Variants in SORCS3 observed in about 807,000 individuals in gnomAD.
SORCS3 encodes sortilin related VPS10 domain containing receptor 3.
In SORCS3, 57 loss-of-function variants were observed where a neutral mutation model predicts 146.3. That is an observed-to-expected ratio of 0.39 (90% CI 0.31 to 0.49). The LOEUF (loss-of-function observed/expected upper bound fraction) is 0.49. Ranked by LOEUF, SORCS3 falls within the 20% of genes least tolerant of loss-of-function variation. The pLI is 0.92. For missense variants in SORCS3, 1,341 were observed against 1,575.5 expected (o/e 0.85, Z 2.52); for synonymous variants, 653 against 618.5 (o/e 1.06, Z -0.83).
At chr10:105,018,319 G>T (rs118008198) in intron 4 of SORCS3, among the ~76,000 whole-genome samples, 6,890 of 152,290 alleles carry the variant, frequency 0.045, 236 homozygotes, top group Admixed American at 0.098. Context: ...CAAAGTCTTG[G>T]GATTGGCTCT....
chr10:104,935,326 A>C (rs905554132), intron 3 of SORCS3, among the ~76,000 whole-genome samples: 1 of 152,194 alleles, frequency 6.6e-6, no homozygotes, highest in South Asian at 2.1e-4. Context: ...TGCTTTCAGC[A>C]GATTTGGAGT....
intron 2 of SORCS3, among the ~76,000 whole-genome samples, chr10:104,867,070 T>C (rs1249267331): frequency 2.6e-5 from 4 of 152,276 alleles, no homozygotes; most frequent in Non-Finnish European, 4.4e-5. Flanking sequence ...AGATAGACCA[T>C]GTCTCTGCTC....
chr10:104,756,988 TACAAG>T (rs2017060302), intron 1 of SORCS3, among the ~76,000 whole-genome samples: 1 of 151,986 alleles, frequency 6.6e-6, no homozygotes, highest in Non-Finnish European at 1.5e-5. Context: ...TGTGTCCATG[TACAAG>T]ATCAACAACC....
At chr10:104,761,512 C>T (rs2017122392) in intron 1 of SORCS3, among the ~76,000 whole-genome samples, 1 of 152,144 alleles carries the variant, frequency 6.6e-6, no homozygotes, top group African/African-American at 2.4e-5. Context: ...ATAGACAAGG[C>T]TCTTCCATCC....
chr10:105,175,833 C>T (rs944501898), intron 13 of SORCS3, among the ~76,000 whole-genome samples: 3 of 152,252 alleles, frequency 2.0e-5, no homozygotes, highest in Middle Eastern at 3.4e-3. Context: ...GCATTTCATT[C>T]GTGAACATGG....
At chr10:105,195,790 C>G (rs1314398215) in intron 14 of SORCS3, among the ~76,000 whole-genome samples, 1 of 152,314 alleles carries the variant, frequency 6.6e-6, no homozygotes, top group Middle Eastern at 3.4e-3. Flanking sequence ...TTTTACCCCA[C>G]TGATCTTATT....
At chr10:104,664,792 C>G (rs7070857) in intron 1 of SORCS3, 16,071 of 152,384 alleles carry the variant, frequency 0.11, 917 homozygotes, top group Admixed American at 0.14. Context: ...TCTTCAAAGA[C>G]CTCCCCCAAA....
chr10:104,898,667 C>A (rs1390911267), intron 2 of SORCS3, among the ~76,000 whole-genome samples: 1 of 152,180 alleles, frequency 6.6e-6, no homozygotes, highest in Non-Finnish European at 1.5e-5. Flanking sequence ...GTGATAGATG[C>A]CACTTTCATA....
intron 5 of SORCS3, among the ~76,000 whole-genome samples, chr10:105,047,328 G>T (rs950556341): frequency 6.6e-6 from 1 of 152,146 alleles, no homozygotes; most frequent in Admixed American, 6.6e-5. Context: ...GTCTCTGATG[G>T]CATTCACTTG....
chr10:105,247,129 A>G, intron 21 of SORCS3, 90 bp from the exon 22 acceptor site: 1 of 583,592 alleles, frequency 1.7e-6, no homozygotes. Flanking sequence ...ACCTTTTACC[A>G]AAAGCACAGT....
chr10:104,674,047 T>C (rs2015886568), intron 1 of SORCS3, among the ~76,000 whole-genome samples: 1 of 152,226 alleles, frequency 6.6e-6, no homozygotes, highest in Non-Finnish European at 1.5e-5. Flanking sequence ...ATTACGCTGA[T>C]GTTACTCACC....
At chr10:104,884,164 C>T (rs555580411) in intron 2 of SORCS3, among the ~76,000 whole-genome samples, 2 of 152,322 alleles carry the variant, frequency 1.3e-5, no homozygotes, top group Admixed American at 1.3e-4. Context: ...CCAAGTCAAA[C>T]ATTTTTAGAA....
At chr10:105,138,792 C>T (rs1589651548) in intron 7 of SORCS3, among the ~76,000 whole-genome samples, 1 of 152,172 alleles carries the variant, frequency 6.6e-6, no homozygotes. Flanking sequence ...CCCAGGACTT[C>T]TGAATTTCAA....
At chr10:105,044,567 T>C (rs2133705469) in intron 5 of SORCS3, among the ~76,000 whole-genome samples, 1 of 152,264 alleles carries the variant, frequency 6.6e-6, no homozygotes, top group African/African-American at 2.4e-5. Context: ...ACCTTGTACA[T>C]ACACACATTC....
At chr10:105,255,071 C>T (rs2056922697) in intron 23 of SORCS3, among the ~76,000 whole-genome samples, 1 of 151,498 alleles carries the variant, frequency 6.6e-6, no homozygotes, top group African/African-American at 2.4e-5. Context: ...GCTTGTAGTC[C>T]CAGCTACTCA....
intron 1 of SORCS3, among the ~76,000 whole-genome samples, chr10:104,725,250 C>G (rs1161985921): frequency 6.6e-6 from 1 of 152,208 alleles, no homozygotes; most frequent in African/African-American, 2.4e-5. Context: ...ACTCCAGACC[C>G]TGTTTGCCTG....
intron 13 of SORCS3, among the ~76,000 whole-genome samples, chr10:105,170,114 T>G (rs932023884): frequency 6.6e-6 from 1 of 152,156 alleles, no homozygotes; most frequent in Non-Finnish European, 1.5e-5. Flanking sequence ...AAGAGCATAT[T>G]TGACATGGCA....
intron 1 of SORCS3, among the ~76,000 whole-genome samples, chr10:104,660,328 G>T (rs1051190105): frequency 1.3e-5 from 2 of 152,086 alleles, no homozygotes; most frequent in Non-Finnish European, 2.9e-5. Context: ...TCTGTGAGCT[G>T]GGTAGGACCT....
chr10:104,964,779 G>A (rs914365851), intron 3 of SORCS3, among the ~76,000 whole-genome samples: 4 of 152,066 alleles, frequency 2.6e-5, no homozygotes, highest in African/African-American at 9.7e-5. Flanking sequence ...CAGTTTAGTA[G>A]TGTTAAGTAC....
Sources: allele counts gnomAD v4.1 joint callset (sites outside exome capture counted in the v4.1 genomes callset), GRCh38; gene constraint gnomAD v4.1.1; transcripts MANE v1.5; gene names NCBI Gene and HGNC (gene_info 2026-07-23, HGNC 2026-07-21).